TBX20: variants seen among roughly 807,000 people sequenced by gnomAD.
The protein encoded by TBX20 is T-box transcription factor 20, also known as T-box transcription factor TBX20.
In TBX20, 8 loss-of-function variants were observed where a neutral mutation model predicts 42.9. That is an observed-to-expected ratio of 0.19 (90% confidence interval 0.11 to 0.34). The LOEUF (loss-of-function observed/expected upper bound fraction) is 0.34. TBX20 is among the 10% of genes least tolerant of loss of function. The probability of loss-of-function intolerance (pLI) is 1.00; values close to 1 mark genes in which losing one functional copy is unlikely to be tolerated. For synonymous variants in TBX20, 198 were observed against 222.8 expected (o/e 0.89, Z 0.99); for missense variants, 411 against 566.0 (o/e 0.73, Z 2.78).
chr7:35,218,680 T>C (rs574530402), intron 6 of TBX20, among the ~76,000 whole-genome samples: 1 of 152,350 alleles, frequency 6.6e-6, no homozygotes, highest in African/African-American at 2.4e-5. Context: ...TGCTCTATAT[T>C]CCAGAAATAA....
At chr7:35,229,228 C>A (rs1362975307) in intron 6 of TBX20, among the ~76,000 whole-genome samples, 1 of 152,082 alleles carries the variant, frequency 6.6e-6, no homozygotes, top group African/African-American at 2.4e-5. Flanking sequence ...ATGTGTTTTT[C>A]TCTCAGATCT....
intron 3 of TBX20, among the ~76,000 whole-genome samples, chr7:35,248,061 T>G (rs4723407): frequency 0.36 from 55,479 of 152,016 alleles, 10,481 homozygotes; most frequent in Admixed American, 0.46. Context: ...ATATGTTAAC[T>G]GAGGAATGTT....
intron 7 of TBX20, among the ~76,000 whole-genome samples, chr7:35,203,400 C>T (rs557883195): frequency 6.6e-6 from 1 of 152,214 alleles, no homozygotes; most frequent in Non-Finnish European, 1.5e-5. Flanking sequence ...GCCTCTACAA[C>T]CTCCGAGACA....
intron 6 of TBX20, among the ~76,000 whole-genome samples, chr7:35,207,206 G>A (rs1441229060): frequency 1.3e-5 from 2 of 152,156 alleles, no homozygotes; most frequent in African/African-American, 4.8e-5. Flanking sequence ...TTTAGCTATT[G>A]TAATATGCAT....
intron 6 of TBX20, among the ~76,000 whole-genome samples, chr7:35,210,871 T>C (rs1425743860): frequency 4.6e-5 from 7 of 152,176 alleles, no homozygotes; most frequent in African/African-American, 1.7e-4. Flanking sequence ...AGATGTGTAG[T>C]GCATTTATAT....
intron 6 of TBX20, among the ~76,000 whole-genome samples, chr7:35,216,942 A>T (rs997444882): frequency 3.9e-5 from 6 of 152,192 alleles, no homozygotes; most frequent in African/African-American, 1.4e-4. Context: ...ATATTTTTCT[A>T]AAGATTGATA....
At chr7:35,228,925 C>T (rs1275126935) in intron 6 of TBX20, among the ~76,000 whole-genome samples, 2 of 152,120 alleles carry the variant, frequency 1.3e-5, no homozygotes, top group Non-Finnish European at 2.9e-5. Context: ...AGTAAGGCTA[C>T]ACACAAAGTG....
chr7:35,222,848 AAT>A (rs147679913), intron 6 of TBX20, among the ~76,000 whole-genome samples: 9,219 of 152,092 alleles, frequency 0.061, 949 homozygotes, highest in African/African-American at 0.21. Context: ...TTGTACCCTA[AAT>A]TAGAAGGTGA....
At chr7:35,239,324 A>G (rs1034255237) in intron 5 of TBX20, among the ~76,000 whole-genome samples, 3 of 152,200 alleles carry the variant, frequency 2.0e-5, no homozygotes, top group Non-Finnish European at 2.9e-5. Context: ...TCTACCAGGC[A>G]GCATCTAATA....
chr7:35,211,941 G>A (rs1249885014), intron 6 of TBX20, among the ~76,000 whole-genome samples: 2 of 151,792 alleles, frequency 1.3e-5, no homozygotes, highest in African/African-American at 4.8e-5. Flanking sequence ...GGGTTTGTTG[G>A]GCTTCTTTGG....
chr7:35,211,595 G>C (rs1245457112), intron 6 of TBX20, among the ~76,000 whole-genome samples: 1 of 152,130 alleles, frequency 6.6e-6, no homozygotes, highest in East Asian at 1.9e-4. Flanking sequence ...TTACAATGGT[G>C]CAAAAGCAGT....
chr7:35,252,673 A>C (rs1427385591), intron 1 of TBX20, among the ~76,000 whole-genome samples: 1 of 152,224 alleles, frequency 6.6e-6, no homozygotes, highest in Non-Finnish European at 1.5e-5. Context: ...GCTGTGTAAC[A>C]ATTATTTCCT....
At position 35,211,234 on chromosome 7, in the gene TBX20, A is replaced by G. The variant is rs538890434; in HGVS notation, c.891-6652T>C. 4.2e-4 allele frequency among the ~76,000 whole-genome samples: 64 copies of G among 152,100 alleles called. 1 individual carries two copies. Among genetic ancestry groups the G allele is most frequent in the Admixed American group, 1.6e-3 (25 of 15,302 alleles). ...TTATATAAACTCCATTCTAATTATT[A>G]TTATATTTGTTTAAAAGGTTAACTA... is the stretch of plus-strand genomic sequence containing the variant. On this transcript the variant is annotated intron_variant, in intron 6 of 7. Transcript: ENST00000408931.
chr7:35,203,009 C>A (rs1361174916), intron 7 of TBX20, among the ~76,000 whole-genome samples: 1 of 152,112 alleles, frequency 6.6e-6, no homozygotes, highest in Non-Finnish European at 1.5e-5. Context: ...CATTGGATAG[C>A]CTGTACACTC....
intron 6 of TBX20, among the ~76,000 whole-genome samples, chr7:35,228,095 TAAA>T (rs70981903): frequency 2.6e-4 from 39 of 150,300 alleles, no homozygotes; most frequent in Admixed American, 7.3e-4. Context: ...AATACTATGA[TAAA>T]AAAAAAAACA....
intron 6 of TBX20, among the ~76,000 whole-genome samples, chr7:35,225,931 A>C (rs1005634162): frequency 3.3e-5 from 5 of 152,202 alleles, no homozygotes; most frequent in African/African-American, 7.2e-5. Context: ...ACCATATGAT[A>C]CTGGCAGCTC....
chr7:35,211,691 G>C (rs1435663905), intron 6 of TBX20, among the ~76,000 whole-genome samples: 1 of 151,942 alleles, frequency 6.6e-6, no homozygotes, highest in East Asian at 1.9e-4. Flanking sequence ...ATTTATGATG[G>C]GTTTATCCAA....
In TBX20 at chr7:35,253,748, C is replaced by A. The variant is rs1790354174; in HGVS notation, c.-128G>T. On this transcript the variant is annotated 5_prime_UTR_variant, in exon 1 of 8. Transcript: ENST00000408931. ...AGCAGTCACAGCGGGGCCAGGGACT[C>A]CAGAAGTGTCAGCTCCAACGACTCC... The A allele has an allele frequency of 8.1e-7, 1 of 1,239,100 alleles. No individual in the cohort carries two copies. The highest frequency in any genetic ancestry group is 2.4e-5 in the East Asian group (1 of 41,864). 76.8% of individuals were successfully genotyped at this position (1,239,100 alleles called of 1,614,324 possible).
At chr7:35,222,557 C>G (rs1455079273) in intron 6 of TBX20, among the ~76,000 whole-genome samples, 1 of 152,150 alleles carries the variant, frequency 6.6e-6, no homozygotes, top group African/African-American at 2.4e-5. Context: ...ACATCATTCA[C>G]TCACTCAACA....
Sources: allele counts gnomAD v4.1 joint callset (sites outside exome capture counted in the v4.1 genomes callset), GRCh38; gene constraint gnomAD v4.1.1; transcripts MANE v1.5; gene names NCBI Gene and HGNC (gene_info 2026-07-23, HGNC 2026-07-21).